The following TCF20 variants were observed in gnomAD, a reference collection of about 807,000 sequenced individuals.
TCF20 encodes transcription factor 20.
Under a neutral mutation model 148.6 loss-of-function variants are expected in TCF20, and 3 were observed. The ratio of observed to expected loss-of-function variants is 0.02; its 90% confidence interval spans 0.01 to 0.05. TCF20 has a LOEUF of 0.05. TCF20 is among the 10% of genes least tolerant of loss of function. The pLI is 1.00. For missense variants in TCF20, 2,350 were observed against 2,429.3 expected, an observed-to-expected ratio of 0.97 and a Z score of 0.69; for synonymous variants, 1,049 against 909.5, an observed-to-expected ratio of 1.15 and a Z score of -2.76.
At chr22:42,224,791 A>G (rs906352217) in intron 1 of TCF20, among the ~76,000 whole-genome samples, 1 of 152,086 alleles carries the variant, frequency 6.6e-6, no homozygotes, top group Non-Finnish European at 1.5e-5. Context: ...AAAATTACAT[A>G]GTATCAGATG....
chr22:42,236,385 A>G (rs145793771), intron 1 of TCF20, among the ~76,000 whole-genome samples: 1 of 152,328 alleles, frequency 6.6e-6, no homozygotes, highest in Non-Finnish European at 1.5e-5. Context: ...ATTCATAGAA[A>G]TCACAGCAGG....
intron 3 of TCF20, among the ~76,000 whole-genome samples, chr22:42,179,212 T>C (rs950042096): frequency 6.6e-6 from 1 of 151,798 alleles, no homozygotes; most frequent in African/African-American, 2.4e-5. Context: ...GCAATTCTAC[T>C]CCCAGGTACA....
At chr22:42,320,882 T>C (rs942387073) in intron 1 of TCF20, among the ~76,000 whole-genome samples, 1 of 151,990 alleles carries the variant, frequency 6.6e-6, no homozygotes, top group African/African-American at 2.4e-5. Context: ...CCACCAGAGG[T>C]GGGGGCCCCC....
At chr22:42,326,010 C>T (rs370463886) in intron 1 of TCF20, among the ~76,000 whole-genome samples, 33 of 152,160 alleles carry the variant, frequency 2.2e-4, no homozygotes, top group African/African-American at 7.7e-4. Flanking sequence ...CTGGCCTGTG[C>T]ACCACCTAAG....
At chr22:42,300,351 G>A (rs2147033276) in intron 1 of TCF20, among the ~76,000 whole-genome samples, 2 of 151,540 alleles carry the variant, frequency 1.3e-5, no homozygotes, top group South Asian at 4.3e-4. Flanking sequence ...ATCTAGATTT[G>A]TATGTGAAAA....
chr22:42,321,744 TG>T (rs1003536200), intron 1 of TCF20, among the ~76,000 whole-genome samples: 3 of 151,674 alleles, frequency 2.0e-5, no homozygotes, highest in African/African-American at 7.3e-5. Flanking sequence ...GTCAAGAGTT[TG>T]AGTCCAGCCT....
intron 2 of TCF20, among the ~76,000 whole-genome samples, chr22:42,181,028 T>TA (rs1936746783): frequency 6.6e-6 from 1 of 152,246 alleles, no homozygotes; most frequent in South Asian, 2.1e-4. Context: ...TCATTTGGTC[T>TA]GGAGTAAACC....
chr22:42,335,871 G>A (rs1928058174), intron 1 of TCF20, among the ~76,000 whole-genome samples: 1 of 152,138 alleles, frequency 6.6e-6, no homozygotes, highest in African/African-American at 2.4e-5. Context: ...AACCAGCAAC[G>A]AGCCTGGCCC....
chr22:42,167,306 A>C (rs936367321), intron 5 of TCF20, among the ~76,000 whole-genome samples: 1 of 152,150 alleles, frequency 6.6e-6, no homozygotes, highest in African/African-American at 2.4e-5. Flanking sequence ...CTTCTCCGGA[A>C]ATTAGTAGTG....
chr22:42,200,699 C>A (rs1246853989), intron 2 of TCF20, among the ~76,000 whole-genome samples: 1 of 151,118 alleles, frequency 6.6e-6, no homozygotes, highest in East Asian at 1.9e-4. Context: ...TTTCTCAGAT[C>A]CATCCAATCC....
At chr22:42,185,779 T>G (rs1937017114) in intron 2 of TCF20, among the ~76,000 whole-genome samples, 1 of 152,218 alleles carries the variant, frequency 6.6e-6, no homozygotes, top group African/African-American at 2.4e-5. Flanking sequence ...CTAGACGATC[T>G]CCTTACGTTT....
At chr22:42,268,173 A>G (rs541096629) in intron 1 of TCF20, among the ~76,000 whole-genome samples, 1 of 151,000 alleles carries the variant, frequency 6.6e-6, no homozygotes, top group South Asian at 2.1e-4. Flanking sequence ...AAGGGGATTT[A>G]ATTTTAAAAA....
intron 2 of TCF20, among the ~76,000 whole-genome samples, chr22:42,183,361 G>C (rs1168788574): frequency 6.6e-6 from 1 of 152,180 alleles, no homozygotes; most frequent in African/African-American, 2.4e-5. Context: ...GAGATGGGAA[G>C]AATATGCTAG....
upstream of TCF20, among the ~76,000 whole-genome samples, chr22:42,285,144 G>A (rs980762833): frequency 5.9e-5 from 9 of 152,180 alleles, no homozygotes; most frequent in South Asian, 2.1e-4. The surrounding 1 kb of genome is among the most constrained non-coding windows in gnomAD (Gnocchi z 4.2). Context: ...CCTACTCCAC[G>A]GCAGGGCCCT....
rs575836953 is a variant in TCF20 at position 42,211,435 on chromosome 22, C to T, written c.3871G>A (p.Gly1291Ser). The change falls in exon 2 of 6, where the codon GGC becomes AGC. Residue 1291 changes from glycine to serine, a missense_variant. By Grantham distance (56) the Gly-to-Ser change is moderately conservative. This residue lies in a region of TCF20 where 1,641 missense variants were observed against 1,662.6 expected (regional missense o/e 0.99). Coordinates refer to ENST00000677622, the MANE Select transcript of TCF20 (RefSeq NM_001378418.1). ...KGRLLHSSKE[G>S]ADKAFNSYAH... ...TAGGAATTGAATGCTTTATCAGCGCCTTCTTTTGATGAGTGAAGGAGGCGA... is the reference window on the plus strand; with the variant it reads ...TAGGAATTGAATGCTTTATCAGCGCTTTCTTTTGATGAGTGAAGGAGGCGA... 1.2e-6 allele frequency: 2 copies of T among 1,614,172 alleles called. No homozygotes were observed. The highest frequency in any genetic ancestry group is 1.3e-5 in the African/African-American group (1 of 75,042).
chr22:42,252,518 T>C (rs578058398), intron 1 of TCF20, among the ~76,000 whole-genome samples: 8 of 152,026 alleles, frequency 5.3e-5, no homozygotes, highest in Non-Finnish European at 1.0e-4. Context: ...GTGGCACATC[T>C]CGACTCACTG....
intron 1 of TCF20, among the ~76,000 whole-genome samples, chr22:42,329,977 G>C (rs1410888842): frequency 6.6e-6 from 1 of 152,230 alleles, no homozygotes; most frequent in Non-Finnish European, 1.5e-5. Context: ...AACCCACCCA[G>C]CCATCTAGCA....
At chr22:42,236,337 G>A (rs575370469) in intron 1 of TCF20, among the ~76,000 whole-genome samples, 2 of 152,198 alleles carry the variant, frequency 1.3e-5, no homozygotes, top group South Asian at 2.1e-4. Context: ...TGTCATTCTC[G>A]AGTTAGGAAA....
Position 42,214,379 on chromosome 22 carries a change from G to T in TCF20, c.927C>A (p.Thr309=). 6.2e-7 allele frequency: 1 copy of T among 1,613,950 alleles called. No individual in the cohort carries two copies. The highest frequency in any genetic ancestry group is 8.5e-7 in the Non-Finnish European group (1 of 1,179,954). The change falls in exon 2 of 6, where the codon ACC becomes ACA. Residue 309 remains threonine (T), a synonymous_variant. Coordinates refer to ENST00000677622, the MANE Select transcript of TCF20 (RefSeq NM_001378418.1). The part of the protein sequence containing the change: ...NFEQAKIPQG[T]QQGQQQQQPQ... ...GTTGCTGCTGCTGCTGCCCCTGTTG[G>T]GTCCCTTGTGGAATCTTTGCCTGTT...
Sources: allele counts gnomAD v4.1 joint callset (sites outside exome capture counted in the v4.1 genomes callset), GRCh38; gene constraint gnomAD v4.1.1; regional missense constraint gnomAD v4.1.1; non-coding constraint Gnocchi (gnomAD v3.1); transcripts MANE v1.5; gene names NCBI Gene and HGNC (gene_info 2026-07-23, HGNC 2026-07-21).